TNS1: variants seen among roughly 807,000 people sequenced by gnomAD.
TNS1 encodes the protein tensin-1.
TNS1 carries 62 observed loss-of-function variants against 168.6 expected under a neutral mutation model. The observed-to-expected ratio is 0.37, with a 90% CI of 0.30 to 0.45. TNS1 has a LOEUF of 0.45. Ranked by LOEUF, TNS1 falls within the 20% of genes least tolerant of loss-of-function variation. The probability of loss-of-function intolerance (pLI) is 1.00; values close to 1 mark genes in which losing one functional copy is unlikely to be tolerated. For missense variants in TNS1, 2,240 were observed against 2,339.4 expected (o/e 0.96, Z 0.88); for synonymous variants, 934 against 933.2 (o/e 1.00, Z -0.02).
intron 19 of TNS1, among the ~76,000 whole-genome samples, chr2:217,845,077 C>T (rs143291443): frequency 6.6e-5 from 10 of 152,320 alleles, no homozygotes; most frequent in African/African-American, 2.2e-4. Context: ...AAAACTGCCC[C>T]TACCTTCTCC....
chr2:217,984,728 A>G (rs1016897818), intron 2 of TNS1, among the ~76,000 whole-genome samples: 7 of 150,012 alleles, frequency 4.7e-5, no homozygotes, highest in African/African-American at 1.7e-4. Context: ...CCTGGGCTCA[A>G]GTGGTCCTCC....
intron 3 of TNS1, among the ~76,000 whole-genome samples, chr2:217,975,626 C>T (rs1199998285): frequency 6.6e-6 from 1 of 152,164 alleles, no homozygotes; most frequent in Non-Finnish European, 1.5e-5. Context: ...GCCATCTTTC[C>T]TAGAAATTTC....
chr2:217,939,927 G>C (rs1046386901), intron 3 of TNS1, among the ~76,000 whole-genome samples: 2 of 152,228 alleles, frequency 1.3e-5, no homozygotes, highest in East Asian at 3.9e-4. Flanking sequence ...GGCTGCACTG[G>C]GGCTCTCTAG....
chr2:217,830,477 C>T (rs1321086114), intron 22 of TNS1: 1 of 1,504,964 alleles, frequency 6.6e-7, no homozygotes, highest in East Asian at 2.3e-5. Flanking sequence ...GTTCAGTGGC[C>T]CCACATGGCC....
At chr2:217,886,147 G>T in intron 13 of TNS1, 43 bp from the exon 14 acceptor site, 2 of 1,605,924 alleles carry the variant, frequency 1.2e-6, no homozygotes, top group Non-Finnish European at 1.7e-6. Flanking sequence ...GCAGAAACTG[G>T]CAGGCAGGAG....
chr2:217,948,016 T>G lies in TNS1; in HGVS notation c.187-27780A>C, dbSNP rs987206452. On this transcript the variant is annotated intron_variant, in intron 3 of 32. Transcript: ENST00000682258. This position sits in a 1 kb window ranked among gnomAD's most constrained non-coding sequence, Gnocchi z 4.1. The stretch of plus-strand genomic sequence containing the variant: ...AGCACAAAGCGGCTAATGAAAGAGA[T>G]AGAATTTCAATGCAGCTCTTCCAAC... 6.6e-6 allele frequency among the ~76,000 whole-genome samples: 1 copy of G among 152,024 alleles called. No individual in the cohort carries two copies. Among genetic ancestry groups the G allele is most frequent in the Non-Finnish European group, 1.5e-5 (1 of 68,010 alleles).
chr2:217,994,979 G>A (rs953226997), intron 1 of TNS1, among the ~76,000 whole-genome samples: 1 of 152,240 alleles, frequency 6.6e-6, no homozygotes, highest in Non-Finnish European at 1.5e-5. Context: ...ACATGAAAAT[G>A]AGGAGTTTGG....
In TNS1 at chr2:218,033,563, C is replaced by T. The variant is rs1958918848; in HGVS notation, c.156+257G>A. Among the ~76,000 whole-genome samples the T allele has an allele frequency of 6.6e-6, 1 of 152,172 alleles. No homozygotes were observed. The highest frequency in any genetic ancestry group is 1.5e-5 in the Non-Finnish European group (1 of 68,012). ...AAACCAACCTCACCCAACCTATTTG[C>T]CCTTCTAGGGGTCAGGTCCTATATC... is the stretch of plus-strand genomic sequence containing the variant. On this transcript the variant is annotated intron_variant, in intron 1 of 1. Coordinates refer to the TNS1 transcript ENST00000649572. This position sits in a 1 kb window ranked among gnomAD's most constrained non-coding sequence, Gnocchi z 4.3.
At chr2:217,929,030 A>G (rs115528434) in intron 3 of TNS1, among the ~76,000 whole-genome samples, 2,412 of 152,296 alleles carry the variant, frequency 0.016, 23 homozygotes, top group Non-Finnish European at 0.026. Context: ...ACCCTTCAGG[A>G]GCCTGCGGAA....
chr2:217,869,261 G>A (rs189903891), intron 18 of TNS1, among the ~76,000 whole-genome samples: 2 of 152,192 alleles, frequency 1.3e-5, no homozygotes, highest in East Asian at 1.9e-4. Flanking sequence ...CCGCCTCTCC[G>A]AGGCTGATGG....
In TNS1 at chr2:217,991,043, T is replaced by C; in HGVS notation, c.47A>G (p.Glu16Gly). Residue 16 changes from glutamate to glycine, a missense_variant, in exon 2 of 33, where the codon GAG (glutamate) becomes GGG (glycine). Physicochemically the swap from Glu to Gly is moderately conservative, Grantham distance 98. Around this residue, in one of 2 missense-constraint regions of TNS1, gnomAD observed 2,131 missense variants for 2,171.2 expected, o/e 0.98. Coordinates refer to ENST00000682258, the MANE Select transcript of TNS1 (RefSeq NM_001387777.1). ...LSCMLWPEDLEAPKTHRFKVK... is the reference protein window; with the variant it reads ...LSCMLWPEDLGAPKTHRFKVK... The stretch of plus-strand genomic sequence containing the variant: ...CTTGAAGCGGTGTGTCTTGGGGGCC[T>C]CCAGATCCTCTGGCTGTGGGAGGAG... The C allele has an allele frequency of 1.5e-6, 1 of 678,524 alleles. No individual in the cohort carries two copies. The highest frequency in any genetic ancestry group is 2.7e-6 in the Non-Finnish European group (1 of 367,796). 42.0% of individuals were successfully genotyped at this position (678,524 alleles called of 1,614,324 possible).
rs781343924 is a variant in TNS1, at chr2:217,892,934, C to T, written c.782+14G>A. 4 of 1,613,836 alleles carry T rather than the reference C, an allele frequency of 2.5e-6. No individual in the cohort carries two copies. In the African/African-American group the frequency reaches 4.0e-5, roughly 16 times the overall value. ...TCGATGTTCAGAGGATGGGAGGCTC[C>T]AGGCCCCTCTTACCTGGCAGAAATG... On this transcript the variant is annotated intron_variant, in intron 11 of 32. Coordinates refer to ENST00000682258, the MANE Select transcript of TNS1 (RefSeq NM_001387777.1).
intron 18 of TNS1, among the ~76,000 whole-genome samples, chr2:217,864,293 AGGAGAGGGTAGAAT>A (rs1949062937): frequency 6.6e-6 from 1 of 152,198 alleles, no homozygotes; most frequent in South Asian, 2.1e-4. Flanking sequence ...GCAAGGGCGA[AGGAGAGGGTAGAAT>A]GGAATGAGGC....
At chr2:217,855,545 G>A (rs3791966) in intron 18 of TNS1, among the ~76,000 whole-genome samples, 14,567 of 148,282 alleles carry the variant, frequency 0.098, 1,049 homozygotes, top group East Asian at 0.33. Flanking sequence ...GCTTGTTGAG[G>A]AAGAGCCTTT....
chr2:217,921,277 T>C (rs958207536), intron 3 of TNS1, among the ~76,000 whole-genome samples: 1 of 152,160 alleles, frequency 6.6e-6, no homozygotes, highest in African/African-American at 2.4e-5. Flanking sequence ...AGTGGGAGAC[T>C]GTCCCTCGGG....
chr2:217,861,727 T>C (rs1222567275), intron 18 of TNS1, among the ~76,000 whole-genome samples: 1 of 152,228 alleles, frequency 6.6e-6, no homozygotes, highest in Non-Finnish European at 1.5e-5. Context: ...CAGTAAGTAG[T>C]GCAAAGACTG....
intron 3 of TNS1, among the ~76,000 whole-genome samples, chr2:217,954,876 T>G (rs41481251): frequency 6.6e-6 from 1 of 152,094 alleles, no homozygotes; most frequent in South Asian, 2.1e-4. Context: ...AAGATCCACA[T>G]TGGCAAACAC....
intron 1 of TNS1, among the ~76,000 whole-genome samples, chr2:218,001,606 A>G (rs1433674074): frequency 6.6e-6 from 1 of 152,012 alleles, no homozygotes; most frequent in East Asian, 1.9e-4. Context: ...AGATGTCAAC[A>G]CCAGCCCAGT....
chr2:217,816,132 G>A (rs530386072), intron 24 of TNS1, among the ~76,000 whole-genome samples: 82 of 152,312 alleles, frequency 5.4e-4, no homozygotes, highest in African/African-American at 1.9e-3. Flanking sequence ...AAGTCACACA[G>A]ATGGTGACCT....
Sources: allele counts gnomAD v4.1 joint callset (sites outside exome capture counted in the v4.1 genomes callset), GRCh38; gene constraint gnomAD v4.1.1; regional missense constraint gnomAD v4.1.1; non-coding constraint Gnocchi (gnomAD v3.1); transcripts MANE v1.5; gene names NCBI Gene and HGNC (gene_info 2026-07-23, HGNC 2026-07-21).